PDE9A: variants seen among roughly 807,000 people sequenced by gnomAD.
PDE9A encodes phosphodiesterase 9A.
PDE9A carries 60 observed loss-of-function variants against 87.4 expected under a neutral mutation model. The ratio of observed to expected loss-of-function variants is 0.69; its 90% CI spans 0.56 to 0.85. PDE9A has a LOEUF of 0.85. Among genes scored for constraint, PDE9A ranks in the 40% least tolerant of loss-of-function variants. PDE9A has a pLI of 0.00. For missense variants in PDE9A, 665 were observed against 779.0 expected (o/e 0.85, Z 1.74); for synonymous variants, 272 against 279.4 (o/e 0.97, Z 0.27).
At position 42,686,081 on chromosome 21, in the gene PDE9A, C is replaced by A. The variant is rs1300614600; in HGVS notation, c.70-111C>A. The A allele has an allele frequency of 4.0e-6, 3 of 742,466 alleles. No individual in the cohort carries two copies. The African/African-American group carries it at 5.2e-5, about 13-fold the overall frequency. The allele number at this position is 742,466 out of a possible 1,614,324, so 46.0% of individuals were successfully genotyped here. A position where few individuals can be genotyped will look rare whatever the true frequency, so the allele number is the denominator to read the frequency against. ...TCCCGTGCGTAGAGTTACAGCTTTT[C>A]TTTTCAAAACGAACCTTCAGTTTGG... is the stretch of plus-strand genomic sequence containing the variant. On this transcript the variant is annotated intron_variant, in intron 1 of 19. Transcript: ENST00000291539.
intron 10 of PDE9A, chr21:42,758,122 A>G (rs1262523144): frequency 6.6e-6 from 1 of 152,226 alleles, no homozygotes; most frequent in Non-Finnish European, 1.5e-5. Context: ...TTTCCTACAC[A>G]TCTTCCTTCG....
intron 1 of PDE9A, among the ~76,000 whole-genome samples, chr21:42,677,925 G>T (rs1386569138): frequency 1.3e-5 from 2 of 152,184 alleles, no homozygotes; most frequent in Non-Finnish European, 2.9e-5. Flanking sequence ...TCACAGGCGT[G>T]AGCCACTGAG....
Position 42,766,501 on chromosome 21 carries a change from T to C in PDE9A, c.1356+1007T>C, listed in dbSNP as rs117333030. Among the ~76,000 whole-genome samples, 76 of 152,306 alleles carry C rather than the reference T, an allele frequency of 5.0e-4. No individual in the cohort carries two copies. The East Asian group carries it at 0.012, about 25-fold the overall frequency. On this transcript the variant is annotated intron_variant, in intron 15 of 19. Coordinates refer to ENST00000291539, the MANE Select transcript of PDE9A (RefSeq NM_002606.3). ...TTCCACCTCCAGAGAGGTTGAAAGA[T>C]AGGGAACTCTCGGCTCAGGCTGACC...
intron 18 of PDE9A, among the ~76,000 whole-genome samples, chr21:42,771,623 C>T (rs979785796): frequency 3.3e-5 from 5 of 152,244 alleles, no homozygotes; most frequent in East Asian, 1.9e-4. Context: ...CCCACCACCC[C>T]GTCTTTTCTG....
chr21:42,763,148 T>C (rs2056000582), intron 14 of PDE9A, among the ~76,000 whole-genome samples: 1 of 152,116 alleles, frequency 6.6e-6, no homozygotes, highest in Non-Finnish European at 1.5e-5. Flanking sequence ...ACACGGGAAT[T>C]CCTCATCAAA....
chr21:42,754,766 G>A (rs765250652), intron 10 of PDE9A, among the ~76,000 whole-genome samples: 22 of 152,144 alleles, frequency 1.4e-4, no homozygotes, highest in Non-Finnish European at 3.1e-4. Context: ...TTTATAAATG[G>A]GGGATTGTCT....
intron 4 of PDE9A, among the ~76,000 whole-genome samples, chr21:42,707,172 T>C (rs531530598): frequency 2.6e-5 from 4 of 152,318 alleles, no homozygotes; most frequent in South Asian, 4.1e-4. Context: ...AAATGAGATA[T>C]TAAAAATTTT....
At chr21:42,669,133 G>C (rs2058238465) in intron 1 of PDE9A, among the ~76,000 whole-genome samples, 1 of 152,150 alleles carries the variant, frequency 6.6e-6, no homozygotes, top group Admixed American at 6.5e-5. Flanking sequence ...GGCCATAAAT[G>C]CCACAGCTTA....
intron 4 of PDE9A, among the ~76,000 whole-genome samples, chr21:42,729,972 C>T (rs2051549361): frequency 6.6e-6 from 1 of 152,124 alleles, no homozygotes; most frequent in Non-Finnish European, 1.5e-5. Flanking sequence ...GAACATAGCA[C>T]TCTGCTGCTG....
chr21:42,762,852 C>T (rs1255639510), intron 14 of PDE9A, among the ~76,000 whole-genome samples: 4 of 152,240 alleles, frequency 2.6e-5, no homozygotes, highest in South Asian at 4.1e-4. Flanking sequence ...GCCACCAAGC[C>T]GGCTAATTTT....
rs879666814 is a variant in PDE9A at position 42,689,491 on chromosome 21, T to C, written c.218+1497T>C. ...AAAGTCACTGAGTGACCTGTCCTCCTGACACCCACAAGACTAAAATGATCT... is the reference window on the plus strand; with the variant it reads ...AAAGTCACTGAGTGACCTGTCCTCCCGACACCCACAAGACTAAAATGATCT... On this transcript the variant is annotated intron_variant, in intron 3 of 19. Coordinates refer to ENST00000291539, the MANE Select transcript of PDE9A (RefSeq NM_002606.3). 1.6e-5 allele frequency: 16 copies of C among 974,652 alleles called. No homozygotes were observed. In the Admixed American group the frequency reaches 8.6e-4, roughly 52 times the overall value. 60.4% of individuals were successfully genotyped at this position (974,652 alleles called of 1,614,324 possible). A position where few individuals can be genotyped will look rare whatever the true frequency, so the allele number is the denominator to read the frequency against.
intron 1 of PDE9A, among the ~76,000 whole-genome samples, chr21:42,671,190 G>A (rs1433128256): frequency 6.6e-6 from 1 of 152,168 alleles, no homozygotes; most frequent in Non-Finnish European, 1.5e-5. Context: ...CAAGCAGGAG[G>A]GGAGGCGTGG....
intron 1 of PDE9A, among the ~76,000 whole-genome samples, chr21:42,685,227 G>A (rs2059387617): frequency 6.6e-6 from 1 of 152,212 alleles, no homozygotes; most frequent in Non-Finnish European, 1.5e-5. Flanking sequence ...CCTGAGAGCC[G>A]AGACTCATGG....
chr21:42,654,356 C>G (rs996286642), intron 1 of PDE9A, among the ~76,000 whole-genome samples: 7 of 152,118 alleles, frequency 4.6e-5, no homozygotes, highest in Admixed American at 2.0e-4. Flanking sequence ...GCCGCTGCAC[C>G]TCCGGGGCCC....
Position 42,702,839 on chromosome 21 carries a change from G to A in PDE9A, c.262+3828G>A, listed in dbSNP as rs970340046. Among the ~76,000 whole-genome samples, 5 of 152,228 alleles carry A rather than the reference G, an allele frequency of 3.3e-5. No individual in the cohort carries two copies. Among genetic ancestry groups the A allele is most frequent in the African/African-American group, 9.6e-5 (4 of 41,460 alleles). On this transcript the variant is annotated intron_variant, in intron 4 of 19. Coordinates refer to ENST00000291539, the MANE Select transcript of PDE9A (RefSeq NM_002606.3). This position sits in a 1 kb window ranked among gnomAD's most constrained non-coding sequence, Gnocchi z 4.9. ...TGAAAGCGCCAGGGCCTTGAAGGTCGTTGCAAGGATGCTGGCTTTTATGCT... is the reference window on the plus strand; with the variant it reads ...TGAAAGCGCCAGGGCCTTGAAGGTCATTGCAAGGATGCTGGCTTTTATGCT...
At chr21:42,751,253 C>A in intron 9 of PDE9A, 56 bp downstream of exon 9, 1 of 1,267,406 alleles carries the variant, frequency 7.9e-7, no homozygotes, top group South Asian at 1.2e-5. Flanking sequence ...GCCCCACGCC[C>A]AGCCCTGTGG....
At chr21:42,729,257 A>G (rs1365181986) in intron 4 of PDE9A, among the ~76,000 whole-genome samples, 1 of 152,244 alleles carries the variant, frequency 6.6e-6, no homozygotes, top group Non-Finnish European at 1.5e-5. Flanking sequence ...ATTTTATTGA[A>G]GATGTCAGAG....
At position 42,760,772 on chromosome 21, in the gene PDE9A, T is replaced by C. The variant is rs1602524880; in HGVS notation, c.1003-53T>C. On this transcript the variant is annotated intron_variant, in intron 12 of 19. Transcript: ENST00000291539. This position sits in a 1 kb window ranked among gnomAD's most constrained non-coding sequence, Gnocchi z 5.2. ...CCCAATTCCACCCCCCCTCACCCCATCCCACCCTCCGAGTGAAGAGAGCAA... is the reference window on the plus strand; with the variant it reads ...CCCAATTCCACCCCCCCTCACCCCACCCCACCCTCCGAGTGAAGAGAGCAA... The C allele has an allele frequency of 1.2e-6, 1 of 841,514 alleles. No individual in the cohort carries two copies. The highest frequency in any genetic ancestry group is 2.0e-6 in the Non-Finnish European group (1 of 502,238). 52.1% of individuals were successfully genotyped at this position (841,514 alleles called of 1,614,324 possible). A position where few individuals can be genotyped will look rare whatever the true frequency, so the allele number is the denominator to read the frequency against.
At chr21:42,741,309 TCTGAGAAGACAGC>T (rs1341702536) in intron 7 of PDE9A, 1 of 152,234 alleles carries the variant, frequency 6.6e-6, no homozygotes, top group Non-Finnish European at 1.5e-5. Context: ...GGGTACCTTT[TCTGAGAAGACAGC>T]CTGTGGCATG....
Sources: allele counts gnomAD v4.1 joint callset (sites outside exome capture counted in the v4.1 genomes callset), GRCh38; gene constraint gnomAD v4.1.1; non-coding constraint Gnocchi (gnomAD v3.1); transcripts MANE v1.5; gene names NCBI Gene and HGNC (gene_info 2026-07-23, HGNC 2026-07-21).